The following A4GALT variants were observed in gnomAD, a reference collection of about 807,000 sequenced individuals.
A4GALT encodes alpha 1,4-galactosyltransferase (P1PK blood group), also known as lactosylceramide 4-alpha-galactosyltransferase.
For synonymous variants in A4GALT, 257 were observed against 220.7 expected (o/e 1.16, Z -1.46); for missense variants, 512 against 486.0 (o/e 1.05, Z -0.50).
chr22:42,711,929 C>T (rs112545361), intron 1 of A4GALT, among the ~76,000 whole-genome samples: 4 of 152,098 alleles, frequency 2.6e-5, no homozygotes, highest in Non-Finnish European at 4.4e-5. Context: ...GGTCTCAGTA[C>T]GTATTTTTTT....
At position 42,692,581 on chromosome 22, in the gene A4GALT, T is replaced by C; in HGVS notation, c.*309A>G. The C allele has an allele frequency of 1.9e-6, 1 of 519,566 alleles. No individual in the cohort carries two copies. Among genetic ancestry groups the C allele is most frequent in the East Asian group, 4.5e-5 (1 of 22,148 alleles). The allele number at this position is 519,566 out of a possible 1,614,324, so 32.2% of individuals were successfully genotyped here. A position where few individuals can be genotyped will look rare whatever the true frequency, so the allele number is the denominator to read the frequency against. ...CGTGGGCACCTCTGTCCCAACTGCCTGGCTTTCCGCACCACCTGGGGGTGC... is the reference window on the plus strand; with the variant it reads ...CGTGGGCACCTCTGTCCCAACTGCCCGGCTTTCCGCACCACCTGGGGGTGC... On this transcript the variant is annotated 3_prime_UTR_variant, in exon 3 of 3. Transcript: ENST00000642412. This position sits in a 1 kb window ranked among gnomAD's most constrained non-coding sequence, Gnocchi z 4.6.
At chr22:42,713,671 G>A (rs144622349) in intron 1 of A4GALT, among the ~76,000 whole-genome samples, 2 of 152,142 alleles carry the variant, frequency 1.3e-5, no homozygotes, top group African/African-American at 4.8e-5. Context: ...AATTAGCCAG[G>A]CATGGTGGTG....
Position 42,693,290 on chromosome 22 carries a change from A to G in A4GALT, c.662T>C (p.Leu221Pro). Reference sequence around the variant, plus strand: ...GAACTCGTGCCGGCGCTCGAAGGCCAGGAACGCGCCGTTGAGGACGTAGCG... The same window carrying G: ...GAACTCGTGCCGGCGCTCGAAGGCCGGGAACGCGCCGTTGAGGACGTAGCG... The part of the protein sequence containing the change: ...QSRYVLNGAF[L>P]AFERRHEFMA... The change falls in exon 3 of 3, where the codon CTG becomes CCG. Residue 221 changes from leucine to proline, a missense_variant. Physicochemically the swap from Leu to Pro is moderately conservative, Grantham distance 98. Coordinates refer to ENST00000642412, the MANE Select transcript of A4GALT (RefSeq NM_017436.7). The G allele has an allele frequency of 6.2e-7, 1 of 1,613,102 alleles. No homozygotes were observed. The highest frequency in any genetic ancestry group is 8.5e-7 in the Non-Finnish European group (1 of 1,179,976).
In A4GALT at chr22:42,693,652, C is replaced by A; in HGVS notation, c.300G>T (p.Ser100=). 1.2e-6 allele frequency: 2 copies of A among 1,612,152 alleles called. No homozygotes were observed. Among genetic ancestry groups the A allele is most frequent in the Non-Finnish European group, 1.7e-6 (2 of 1,179,780 alleles). Reference sequence around the variant, plus strand: ...GGGATTCGGGGTGAGTTCTGGCGGCCGACTCCACCGAGCACATGAACAGGA... The same window carrying A: ...GGGATTCGGGGTGAGTTCTGGCGGCAGACTCCACCGAGCACATGAACAGGA... ...PNFLFMCSVE[S]AARTHPESHV... is the part of the protein sequence containing the mutation. Residue 100 remains serine (S), a synonymous_variant, in exon 3 of 3, where the codon TCG becomes TCT. Transcript: ENST00000642412.
At chr22:42,714,225 T>C (rs966175620) in intron 1 of A4GALT, among the ~76,000 whole-genome samples, 2 of 128,702 alleles carry the variant, frequency 1.6e-5, no homozygotes, top group Non-Finnish European at 3.1e-5. Flanking sequence ...CAGTGAGCTA[T>C]GCTCATACCA....
Position 42,692,600 on chromosome 22 carries a change from G to A in A4GALT, c.*290C>T, listed in dbSNP as rs1433475556. 19 of 565,646 alleles carry A rather than the reference G, an allele frequency of 3.4e-5. No homozygotes were observed. The highest frequency in any genetic ancestry group is 5.7e-5 in the Non-Finnish European group (17 of 297,164). 35.0% of individuals were successfully genotyped at this position (565,646 alleles called of 1,614,324 possible). On this transcript the variant is annotated 3_prime_UTR_variant, in exon 3 of 3. Transcript: ENST00000642412. This position sits in a 1 kb window ranked among gnomAD's most constrained non-coding sequence, Gnocchi z 4.6. ...ACTGCCTGGCTTTCCGCACCACCTG[G>A]GGGTGCCCTGAGGTTCATCCTTCCT...
chr22:42,720,041 A>G (rs956446328), intron 1 of A4GALT, among the ~76,000 whole-genome samples: 1 of 152,168 alleles, frequency 6.6e-6, no homozygotes, highest in African/African-American at 2.4e-5. Context: ...CCTGGCAGTG[A>G]AACGGGATGG....
intron 1 of A4GALT, among the ~76,000 whole-genome samples, chr22:42,720,512 G>C (rs767745398): frequency 6.6e-6 from 1 of 152,118 alleles, no homozygotes; most frequent in Non-Finnish European, 1.5e-5. Context: ...GGCTGCCCTC[G>C]AGGGCTCCGG....
At chr22:42,702,146 C>T (rs188278105) in intron 1 of A4GALT, among the ~76,000 whole-genome samples, 36 of 152,210 alleles carry the variant, frequency 2.4e-4, no homozygotes, top group Admixed American at 2.1e-3. Context: ...CCTCATCCCC[C>T]TCAGCAGACA....
At chr22:42,698,161 T>A (rs1931065283) in intron 1 of A4GALT, among the ~76,000 whole-genome samples, 1 of 150,414 alleles carries the variant, frequency 6.6e-6, no homozygotes, top group African/African-American at 2.5e-5. Flanking sequence ...GGCAGAAGAA[T>A]CGCTTGAACT....
Position 42,705,722 on chromosome 22 carries a change from G to A in A4GALT, c.-187-10091C>T, listed in dbSNP as rs949768071. Among the ~76,000 whole-genome samples the A allele has an allele frequency of 2.1e-4, 26 of 125,528 alleles. 3 individuals carry two copies. Among genetic ancestry groups the A allele is most frequent in the African/African-American group, 6.2e-4 (24 of 38,700 alleles). 82.4% of individuals were successfully genotyped at this position (125,528 alleles called of 152,430 possible). ...AAAACACTTTAAAAAGTAATTCCAG[G>A]CCAGGTGCGGTGGCTCACACCTGTA... On this transcript the variant is annotated intron_variant, in intron 1 of 2. Transcript: ENST00000642412.
At chr22:42,695,786 GC>G (rs1338893032) in intron 1 of A4GALT, among the ~76,000 whole-genome samples, 155 bp from the exon 2 acceptor site, 1 of 152,150 alleles carries the variant, frequency 6.6e-6, no homozygotes, top group Non-Finnish European at 1.5e-5. Flanking sequence ...ATAGGGGCAG[GC>G]CCTGCACTGG....
chr22:42,692,437 G>C lies in A4GALT; in HGVS notation c.*453C>G. 1.7e-5 allele frequency: 5 copies of C among 303,008 alleles called. No homozygotes were observed. The highest frequency in any genetic ancestry group is 2.7e-5 in the South Asian group (1 of 36,694). The allele number at this position is 303,008 out of a possible 1,614,324, so 18.8% of individuals were successfully genotyped here. On this transcript the variant is annotated 3_prime_UTR_variant, in exon 3 of 3. Coordinates refer to ENST00000642412, the MANE Select transcript of A4GALT (RefSeq NM_017436.7). This position sits in a 1 kb window ranked among gnomAD's most constrained non-coding sequence, Gnocchi z 4.6. ...ACCAGAAAAGAACAAAGCATCCTCCGCCCCGGACCCTTGGGGCTGGGTCTC... is the reference window on the plus strand; with the variant it reads ...ACCAGAAAAGAACAAAGCATCCTCCCCCCCGGACCCTTGGGGCTGGGTCTC...
chr22:42,693,913 C>T lies in A4GALT; in HGVS notation c.39G>A (p.Arg13=). 6.2e-7 allele frequency: 1 copy of T among 1,604,698 alleles called. No individual in the cohort carries two copies. Among genetic ancestry groups the T allele is most frequent in the Non-Finnish European group, 8.5e-7 (1 of 1,176,456 alleles). ...TGCAGACCCGCTGCCTTGGGGCGCC[C>T]CGGAGCAGCCGCAGCAGGAGGTCGG... The part of the protein sequence containing the change: ...KPPDLLLRLL[R]GAPRQRVCTL... Residue 13 remains arginine (R), a synonymous_variant, in exon 3 of 3, where the codon CGG becomes CGA. Transcript: ENST00000642412.
At chr22:42,695,429 G>A (rs1569034033) in intron 2 of A4GALT, 62 bp downstream of exon 2, 1 of 152,226 alleles carries the variant, frequency 6.6e-6, no homozygotes, top group Non-Finnish European at 1.5e-5. Context: ...GGTAACTTAG[G>A]CTGGGCCCTT....
intron 1 of A4GALT, among the ~76,000 whole-genome samples, chr22:42,700,854 A>G (rs1004193312): frequency 6.6e-6 from 1 of 152,116 alleles, no homozygotes; most frequent in African/African-American, 2.4e-5. Context: ...CCGGCAGGGG[A>G]ACTGGTGGGT....
intron 1 of A4GALT, among the ~76,000 whole-genome samples, chr22:42,710,857 A>G (rs1921628712): frequency 2.0e-5 from 3 of 151,956 alleles, no homozygotes; most frequent in Admixed American, 1.3e-4. Context: ...CCCTATCTCT[A>G]CTAAAAATAC....
intron 1 of A4GALT, among the ~76,000 whole-genome samples, chr22:42,710,538 A>T (rs911742184): frequency 6.6e-6 from 1 of 151,954 alleles, no homozygotes; most frequent in Non-Finnish European, 1.5e-5. Context: ...TCCACAAAAA[A>T]TTACAAAAAT....
At chr22:42,696,912 C>T (rs1046183701) in intron 1 of A4GALT, among the ~76,000 whole-genome samples, 1 of 151,498 alleles carries the variant, frequency 6.6e-6, no homozygotes, top group Non-Finnish European at 1.5e-5. Flanking sequence ...GATGCCCACT[C>T]AAAAGTCCCC....
Sources: allele counts gnomAD v4.1 joint callset (sites outside exome capture counted in the v4.1 genomes callset), GRCh38; gene constraint gnomAD v4.1.1; non-coding constraint Gnocchi (gnomAD v3.1); transcripts MANE v1.5; gene names NCBI Gene and HGNC (gene_info 2026-07-23, HGNC 2026-07-21).